Variants in ADAM22 observed in about 807,000 individuals in gnomAD.
ADAM22 encodes ADAM metallopeptidase domain 22, also known as disintegrin and metalloproteinase domain-containing protein 22.
ADAM22 carries 65 observed loss-of-function variants against 144.6 expected under a neutral mutation model. That is an observed-to-expected ratio of 0.45 (90% confidence interval 0.37 to 0.55). The LOEUF is 0.55. ADAM22 is among the 20% of genes least tolerant of loss of function. ADAM22 has a pLI of 0.00. For synonymous variants in ADAM22, 391 were observed against 412.6 expected (o/e 0.95, Z 0.63); for missense variants, 974 against 1,184.9 (o/e 0.82, Z 2.61).
At chr7:88,081,426 G>A (rs984957757) in intron 4 of ADAM22, among the ~76,000 whole-genome samples, 15 of 152,108 alleles carry the variant, frequency 9.9e-5, no homozygotes, top group African/African-American at 2.7e-4. Context: ...TTTGAAAACC[G>A]GCACAAGACA....
intron 2 of ADAM22, among the ~76,000 whole-genome samples, chr7:87,940,938 T>C (rs1448265807): frequency 6.6e-6 from 1 of 152,244 alleles, no homozygotes; most frequent in Admixed American, 6.5e-5. Flanking sequence ...CTACTCATTG[T>C]TTGATACACA....
chr7:88,046,670 T>C (rs1168308800), intron 3 of ADAM22, among the ~76,000 whole-genome samples: 1 of 152,222 alleles, frequency 6.6e-6, no homozygotes, highest in Non-Finnish European at 1.5e-5. Context: ...TTTTACCCTA[T>C]GTTTTCTTCC....
In ADAM22 at chr7:88,118,655, C is replaced by CTA. The variant is rs35422665; in HGVS notation, c.607+1855_607+1856dup. 1.7e-3 allele frequency among the ~76,000 whole-genome samples: 239 copies of CTA among 137,170 alleles called. 1 individual carries two copies. Among genetic ancestry groups the CTA allele is most frequent in the African/African-American group, 4.8e-3 (172 of 36,070 alleles). 90.0% of individuals were successfully genotyped at this position (137,170 alleles called of 152,430 possible). A position where few individuals can be genotyped will look rare whatever the true frequency, so the allele number is the denominator to read the frequency against. ...TAACCTTATATATCTATCTATCTAT[C>CTA]TATATATATATATATCTTTTTTTTT... On this transcript the variant is annotated intron_variant, in intron 7 of 31. Coordinates refer to ENST00000413139, the MANE Select transcript of ADAM22 (RefSeq NM_001324418.2).
chr7:88,158,242 G>T (rs540812968), intron 22 of ADAM22, among the ~76,000 whole-genome samples: 2 of 152,242 alleles, frequency 1.3e-5, no homozygotes, highest in South Asian at 4.1e-4. Flanking sequence ...GGAGCACCCA[G>T]CTTCATCAAG....
chr7:88,185,211 G>GT (rs1466810770), intron 29 of ADAM22, among the ~76,000 whole-genome samples: 3 of 152,130 alleles, frequency 2.0e-5, no homozygotes, highest in African/African-American at 7.2e-5. Context: ...AGTGTGAGTT[G>GT]TTTCTGAGTC....
In ADAM22 at chr7:88,020,818, T is replaced by G. The variant is rs1408561965; in HGVS notation, c.323+42406T>G. Among the ~76,000 whole-genome samples the G allele has an allele frequency of 3.3e-5, 5 of 152,170 alleles. No homozygotes were observed. The South Asian group carries it at 6.2e-4, about 19-fold the overall frequency. Reference sequence around the variant, plus strand: ...GAAAGTTTATTTTCAGTGAGACCATTTACAAAAGCATGGGGGTAAGAGAAC... The same window carrying G: ...GAAAGTTTATTTTCAGTGAGACCATGTACAAAAGCATGGGGGTAAGAGAAC... On this transcript the variant is annotated intron_variant, in intron 3 of 31. Transcript: ENST00000413139.
intron 2 of ADAM22, among the ~76,000 whole-genome samples, chr7:87,973,932 C>T (rs1051730080): frequency 6.6e-5 from 10 of 151,374 alleles, no homozygotes; most frequent in Non-Finnish European, 1.0e-4. Flanking sequence ...ACACCGGGGA[C>T]TGTTGTGGGG....
At chr7:88,189,106 A>G (rs1256292094) in intron 30 of ADAM22, among the ~76,000 whole-genome samples, 4 of 152,226 alleles carry the variant, frequency 2.6e-5, no homozygotes, top group African/African-American at 9.6e-5. Flanking sequence ...ATAGATATCA[A>G]GTGATCAGAG....
chr7:87,937,422 CAAAG>C (rs2131188195), intron 2 of ADAM22, among the ~76,000 whole-genome samples: 1 of 152,204 alleles, frequency 6.6e-6, no homozygotes, highest in Non-Finnish European at 1.5e-5. Flanking sequence ...AAACAATTCA[CAAAG>C]ACTTTCTAGG....
At chr7:88,069,436 C>A (rs1812166785) in intron 3 of ADAM22, among the ~76,000 whole-genome samples, 1 of 152,164 alleles carries the variant, frequency 6.6e-6, no homozygotes, top group Non-Finnish European at 1.5e-5. Context: ...GACTAAGACA[C>A]ACAATATCAC....
At chr7:87,957,365 T>A (rs895550710) in intron 2 of ADAM22, among the ~76,000 whole-genome samples, 2 of 152,206 alleles carry the variant, frequency 1.3e-5, no homozygotes, top group Non-Finnish European at 2.9e-5. Context: ...TTTGAAATAA[T>A]TCAAACATAC....
intron 4 of ADAM22, among the ~76,000 whole-genome samples, chr7:88,075,908 T>G (rs1814314950): frequency 6.6e-6 from 1 of 152,212 alleles, no homozygotes; most frequent in South Asian, 2.1e-4. Context: ...ATTGCTAGAC[T>G]TAATGTTTTG....
intron 3 of ADAM22, among the ~76,000 whole-genome samples, chr7:88,066,394 A>G (rs1436485213): frequency 6.6e-6 from 1 of 152,156 alleles, no homozygotes; most frequent in Non-Finnish European, 1.5e-5. Flanking sequence ...TGGAAAATTG[A>G]AGTAGCCATT....
intron 3 of ADAM22, among the ~76,000 whole-genome samples, chr7:88,059,604 T>A (rs1180840390): frequency 6.6e-6 from 1 of 152,182 alleles, no homozygotes; most frequent in African/African-American, 2.4e-5. Context: ...AGCGAAAACA[T>A]GGACTCAACC....
chr7:88,025,366 C>G (rs762515131), intron 3 of ADAM22, among the ~76,000 whole-genome samples: 108 of 152,286 alleles, frequency 7.1e-4, no homozygotes, highest in Non-Finnish European at 1.2e-3. Context: ...TGTGCAGAAG[C>G]TTTTTAACTT....
rs181161593 is a variant in ADAM22 at position 88,003,510 on chromosome 7, A to C, written c.323+25098A>C. On this transcript the variant is annotated intron_variant, in intron 3 of 31. Transcript: ENST00000413139. ...CATTTAGGTTCTCCCCCCAAATTTG[A>C]TGTATCCTGAGAGAATCACACTGAA... Among the ~76,000 whole-genome samples, 636 of 152,294 alleles carry C rather than the reference A, an allele frequency of 4.2e-3. 4 individuals are homozygous for C. Among genetic ancestry groups the C allele is most frequent in the South Asian group, 0.012 (60 of 4,830 alleles).
At chr7:88,119,574 T>C (rs1828711372) in intron 7 of ADAM22, among the ~76,000 whole-genome samples, 1 of 152,172 alleles carries the variant, frequency 6.6e-6, no homozygotes, top group Admixed American at 6.5e-5. Context: ...CTGCAGCCTC[T>C]GCCCCCTGGG....
At chr7:87,993,943 CAGAG>C (rs1790491501) in intron 3 of ADAM22, among the ~76,000 whole-genome samples, 1 of 152,054 alleles carries the variant, frequency 6.6e-6, no homozygotes, top group Admixed American at 6.6e-5. Context: ...CATGACTTCT[CAGAG>C]AGATTCCACA....
chr7:87,972,719 A>G (rs1457067947), intron 2 of ADAM22, among the ~76,000 whole-genome samples: 3 of 152,228 alleles, frequency 2.0e-5, no homozygotes, highest in African/African-American at 7.2e-5. Context: ...ACAGCATGGT[A>G]CTGGTACCAA....
Sources: gnomAD v4.1 joint callset for allele counts (sites outside exome capture counted in the v4.1 genomes callset) on GRCh38, gnomAD v4.1.1 for gene constraint, MANE v1.5 for transcripts, NCBI Gene and HGNC (gene_info 2026-07-23, HGNC 2026-07-21) for gene names.